SGCD: variants seen among roughly 807,000 people sequenced by gnomAD.
SGCD encodes the protein delta-sarcoglycan.
SGCD carries 18 observed loss-of-function variants against 36.6 expected under a neutral mutation model. The observed-to-expected ratio is 0.49, with a 90% CI of 0.34 to 0.73. The LOEUF (loss-of-function observed/expected upper bound fraction) is 0.73. SGCD is among the 30% of genes least tolerant of loss of function. The pLI, the probability that SGCD is intolerant of heterozygous loss-of-function variation, is 0.01. For synonymous variants in SGCD, 133 were observed against 130.6 expected, an observed-to-expected ratio of 1.02 and a Z score of -0.12; for missense variants, 387 against 346.7, an observed-to-expected ratio of 1.12 and a Z score of -0.92.
chr5:156,177,708 TA>T (rs1763507061), intron 3 of SGCD, among the ~76,000 whole-genome samples: 1 of 152,182 alleles, frequency 6.6e-6, no homozygotes, highest in Non-Finnish European at 1.5e-5. Flanking sequence ...AAAGAGTCCT[TA>T]AGTCTTTTTG....
chr5:155,952,880 A>T (rs1757573630), intron 1 of SGCD, among the ~76,000 whole-genome samples: 1 of 152,206 alleles, frequency 6.6e-6, no homozygotes, highest in Non-Finnish European at 1.5e-5. Flanking sequence ...TGGTGCCAGC[A>T]TGGGGCTTTA....
intron 1 of SGCD, among the ~76,000 whole-genome samples, chr5:155,916,330 C>T (rs1354868486): frequency 6.6e-6 from 1 of 152,068 alleles, no homozygotes; most frequent in Non-Finnish European, 1.5e-5. Context: ...TGGGTTTATT[C>T]TGCTTACGTT....
intron 1 of SGCD, among the ~76,000 whole-genome samples, chr5:155,998,458 C>CT (rs1419220528): frequency 1.6e-4 from 25 of 152,268 alleles, no homozygotes; most frequent in African/African-American, 5.3e-4. Flanking sequence ...AAATTGCTGA[C>CT]TAGGGTAATT....
At chr5:156,266,492 A>C (rs929967044) in intron 3 of SGCD, among the ~76,000 whole-genome samples, 1 of 152,180 alleles carries the variant, frequency 6.6e-6, no homozygotes, top group Non-Finnish European at 1.5e-5. Context: ...TTTGACATTA[A>C]AAAATTTTGT....
chr5:156,166,010 A>G (rs1238531296), intron 3 of SGCD, among the ~76,000 whole-genome samples: 1 of 152,166 alleles, frequency 6.6e-6, no homozygotes, highest in East Asian at 1.9e-4. Flanking sequence ...ACTTTGTATG[A>G]AAACTGTTCC....
chr5:156,592,265 C>T (rs752887112), intron 5 of SGCD, among the ~76,000 whole-genome samples: 6 of 152,064 alleles, frequency 3.9e-5, no homozygotes, highest in Non-Finnish European at 5.9e-5. Context: ...GCAAACTGCT[C>T]GCCCTGTGCC....
intron 1 of SGCD, among the ~76,000 whole-genome samples, chr5:155,927,820 C>T (rs929778415): frequency 2.6e-5 from 4 of 152,164 alleles, no homozygotes; most frequent in African/African-American, 9.7e-5. Context: ...AAGAGAATAA[C>T]ATGGTCAGTT....
intron 7 of SGCD, among the ~76,000 whole-genome samples, chr5:156,736,200 T>C (rs1756354739): frequency 2.0e-5 from 3 of 152,150 alleles, no homozygotes; most frequent in Admixed American, 2.0e-4. Flanking sequence ...CTTCCTTCCT[T>C]TCCTCTCTGT....
chr5:155,756,763 C>T, the SGCD span, among the ~76,000 whole-genome samples: 1 of 152,126 alleles, frequency 6.6e-6, no homozygotes, highest in Non-Finnish European at 1.5e-5. Context: ...TAAACACTTC[C>T]CTGAGAAGCT....
intron 3 of SGCD, among the ~76,000 whole-genome samples, chr5:156,270,483 T>C (rs143955372): frequency 3.9e-4 from 60 of 152,294 alleles, no homozygotes; most frequent in African/African-American, 1.4e-3. Context: ...AAATATCATA[T>C]GTTATAAATG....
At chr5:156,074,158 C>G (rs142197551) in intron 1 of SGCD, among the ~76,000 whole-genome samples, 1 of 152,144 alleles carries the variant, frequency 6.6e-6, no homozygotes, top group Non-Finnish European at 1.5e-5. Flanking sequence ...TCTTTTGGAA[C>G]CACATATGGA....
upstream of SGCD, among the ~76,000 whole-genome samples, chr5:156,325,496 C>T (rs146342343): frequency 5.3e-4 from 80 of 152,192 alleles, no homozygotes; most frequent in African/African-American, 1.7e-3. Flanking sequence ...GGAAACAGAT[C>T]GAGAGAGGTT....
chr5:156,631,308 T>C (rs1209954561), intron 6 of SGCD, among the ~76,000 whole-genome samples: 2 of 152,160 alleles, frequency 1.3e-5, no homozygotes, highest in African/African-American at 4.8e-5. Flanking sequence ...ATAGATAGTA[T>C]ACCTTAATCC....
intron 1 of SGCD, among the ~76,000 whole-genome samples, chr5:155,940,045 C>T (rs1389428746): frequency 1.3e-5 from 2 of 152,044 alleles, no homozygotes; most frequent in East Asian, 3.9e-4. Context: ...GTTGGTCAGG[C>T]TGGTCTTGAA....
At chr5:155,953,464 GCAA>G (rs1757582891) in intron 1 of SGCD, among the ~76,000 whole-genome samples, 1 of 152,096 alleles carries the variant, frequency 6.6e-6, no homozygotes, top group Admixed American at 6.6e-5. Flanking sequence ...ACCATGGCCT[GCAA>G]AGCCTGGAAA....
At chr5:156,533,589 T>G (rs1581128432) in intron 4 of SGCD, among the ~76,000 whole-genome samples, 1 of 152,190 alleles carries the variant, frequency 6.6e-6, no homozygotes, top group East Asian at 1.9e-4. Context: ...TCCAAAGACA[T>G]GGACTTTCTT....
At chr5:156,678,122 T>C (rs1286641468) in intron 7 of SGCD, among the ~76,000 whole-genome samples, 4 of 152,042 alleles carry the variant, frequency 2.6e-5, no homozygotes, top group African/African-American at 9.7e-5. Flanking sequence ...TAGACATCAG[T>C]AGTATTTAGA....
chr5:156,681,351 TC>T (rs1753715117), intron 7 of SGCD, among the ~76,000 whole-genome samples: 1 of 152,152 alleles, frequency 6.6e-6, no homozygotes, highest in South Asian at 2.1e-4. Context: ...GCCACAACTG[TC>T]CTTAGTCTCC....
intron 3 of SGCD, among the ~76,000 whole-genome samples, chr5:156,239,450 G>T: frequency 6.7e-6 from 1 of 148,330 alleles, no homozygotes; most frequent in East Asian, 2.0e-4. Flanking sequence ...AGGGGGAATA[G>T]TATAGTGCAA....
Sources: allele counts gnomAD v4.1 joint callset (sites outside exome capture counted in the v4.1 genomes callset), GRCh38; gene constraint gnomAD v4.1.1; transcripts MANE v1.5; gene names NCBI Gene and HGNC (gene_info 2026-07-23, HGNC 2026-07-21).